The following RBFOX1 variants were observed in gnomAD, a reference collection of about 807,000 sequenced individuals.
RBFOX1 encodes the protein RNA binding fox-1 homolog 1, also known as RNA binding protein fox-1 homolog 1.
RBFOX1 carries 8 observed loss-of-function variants against 57.7 expected under a neutral mutation model. That is an observed-to-expected ratio of 0.14 (90% CI 0.08 to 0.25). The LOEUF is 0.25. Among genes scored for constraint, RBFOX1 ranks in the 10% least tolerant of loss-of-function variants. The pLI, the probability that RBFOX1 is intolerant of heterozygous loss-of-function variation, is 1.00. For missense variants in RBFOX1, 611 were observed against 548.5 expected (o/e 1.11, Z -1.14); for synonymous variants, 326 against 222.4 (o/e 1.47, Z -4.15).
chr16:5,482,027 C>T (rs1296311659), intron 2 of RBFOX1, among the ~76,000 whole-genome samples: 4 of 152,178 alleles, frequency 2.6e-5, no homozygotes, highest in South Asian at 2.1e-4. Context: ...TACAGTTCAG[C>T]CCATAACAGC....
At chr16:6,477,039 A>C (rs1181543544) in intron 2 of RBFOX1, among the ~76,000 whole-genome samples, 1 of 152,170 alleles carries the variant, frequency 6.6e-6, no homozygotes, top group Non-Finnish European at 1.5e-5. Context: ...TTGCCTCTTC[A>C]GGCTCCACTT....
At chr16:6,828,960 G>C (rs926563527) in intron 3 of RBFOX1, among the ~76,000 whole-genome samples, 4 of 151,628 alleles carry the variant, frequency 2.6e-5, no homozygotes, top group Non-Finnish European at 5.9e-5. Flanking sequence ...CCTTTCTTGA[G>C]TGTGTACTTT....
At chr16:6,889,261 T>G (rs1394672180) in intron 3 of RBFOX1, among the ~76,000 whole-genome samples, 3 of 152,224 alleles carry the variant, frequency 2.0e-5, no homozygotes. Flanking sequence ...TTGCCCCCGT[T>G]AGCCCCATGG....
chr16:7,393,558 C>G (rs149389860), intron 4 of RBFOX1, among the ~76,000 whole-genome samples: 2 of 152,112 alleles, frequency 1.3e-5, no homozygotes, highest in Non-Finnish European at 2.9e-5. Flanking sequence ...GGAATGCTCT[C>G]TGGACAATGC....
intron 1 of RBFOX1, among the ~76,000 whole-genome samples, chr16:5,276,639 C>T (rs1253462604): frequency 1.3e-5 from 2 of 152,188 alleles, no homozygotes; most frequent in Non-Finnish European, 1.5e-5. Flanking sequence ...AAAAATTAGC[C>T]GGGCATGGTG....
At chr16:7,014,432 G>C (rs1463224790) in intron 3 of RBFOX1, among the ~76,000 whole-genome samples, 1 of 151,008 alleles carries the variant, frequency 6.6e-6, no homozygotes, top group African/African-American at 2.4e-5. Flanking sequence ...TTTAAAGTAG[G>C]GGTGGGGTTT....
At chr16:6,037,308 G>A (rs2095377919) in intron 1 of RBFOX1, 1 of 152,138 alleles carries the variant, frequency 6.6e-6, no homozygotes, top group South Asian at 2.1e-4. Context: ...AGTCCTTCCT[G>A]AAAATTCCAA....
intron 3 of RBFOX1, among the ~76,000 whole-genome samples, chr16:5,809,468 A>G (rs2055344772): frequency 6.6e-6 from 1 of 152,106 alleles, no homozygotes; most frequent in Admixed American, 6.5e-5. Flanking sequence ...AACTCAAACA[A>G]ATTTACAAGA....
At chr16:5,857,788 G>A (rs1408576069) in intron 3 of RBFOX1, among the ~76,000 whole-genome samples, 1 of 151,690 alleles carries the variant, frequency 6.6e-6, no homozygotes, top group Non-Finnish European at 1.5e-5. Flanking sequence ...GAAAAGAACT[G>A]CACAAAACTT....
intron 1 of RBFOX1, among the ~76,000 whole-genome samples, chr16:6,042,321 G>A (rs987770439): frequency 2.6e-5 from 4 of 151,838 alleles, no homozygotes; most frequent in African/African-American, 7.3e-5. Flanking sequence ...GGATGGTCTC[G>A]ATCTCTTAAC....
chr16:5,936,099 A>G (rs148911393), intron 4 of RBFOX1, among the ~76,000 whole-genome samples: 152 of 152,188 alleles, frequency 1.0e-3, no homozygotes, highest in Non-Finnish European at 1.5e-3. Flanking sequence ...ATCTGGCATC[A>G]TAAACCTTCC....
At chr16:6,169,423 T>A (rs926888588) in intron 1 of RBFOX1, among the ~76,000 whole-genome samples, 1 of 151,868 alleles carries the variant, frequency 6.6e-6, no homozygotes, top group African/African-American at 2.4e-5. Context: ...AAGGCTGAGA[T>A]AGAGAAGGAG....
At chr16:6,802,578 G>A (rs1057094195) in intron 3 of RBFOX1, among the ~76,000 whole-genome samples, 3 of 152,206 alleles carry the variant, frequency 2.0e-5, no homozygotes, top group Admixed American at 2.0e-4. Flanking sequence ...TTGGGAGGGT[G>A]AGGCAGGAGA....
chr16:5,542,566 G>T (rs1008438293), intron 2 of RBFOX1, among the ~76,000 whole-genome samples: 1 of 151,962 alleles, frequency 6.6e-6, no homozygotes, highest in Admixed American at 6.6e-5. Context: ...CATAGTTATT[G>T]ATTTTACTGA....
At chr16:6,281,845 G>A (rs1285583167) in intron 1 of RBFOX1, among the ~76,000 whole-genome samples, 4 of 152,028 alleles carry the variant, frequency 2.6e-5, no homozygotes, top group South Asian at 4.2e-4. Flanking sequence ...CCAAAATCCC[G>A]CTGCCACTCT....
At chr16:6,979,742 C>T (rs1300201848) in intron 3 of RBFOX1, among the ~76,000 whole-genome samples, 5 of 152,176 alleles carry the variant, frequency 3.3e-5, no homozygotes, top group Admixed American at 6.5e-5. Flanking sequence ...TCCTCCTAAA[C>T]AGTGGATGAA....
intron 2 of RBFOX1, among the ~76,000 whole-genome samples, chr16:6,321,535 T>C (rs2081790967): frequency 6.6e-6 from 1 of 152,228 alleles, no homozygotes; most frequent in African/African-American, 2.4e-5. Flanking sequence ...CTCTGCACAA[T>C]GCCACAGCAT....
intron 3 of RBFOX1, among the ~76,000 whole-genome samples, chr16:6,674,260 A>G (rs2098786484): frequency 6.6e-6 from 1 of 152,188 alleles, no homozygotes; most frequent in African/African-American, 2.4e-5. Context: ...TCAAGTTAAA[A>G]TGACGTCATC....
At chr16:7,389,690 A>G (rs74012533) in intron 4 of RBFOX1, among the ~76,000 whole-genome samples, 34 of 152,206 alleles carry the variant, frequency 2.2e-4, no homozygotes, top group Non-Finnish European at 4.4e-4. Flanking sequence ...GCTGGAGTTT[A>G]CAGTATGTAC....
Sources: gnomAD v4.1 joint callset for allele counts (sites outside exome capture counted in the v4.1 genomes callset) on GRCh38, gnomAD v4.1.1 for gene constraint, MANE v1.5 for transcripts, NCBI Gene and HGNC (gene_info 2026-07-23, HGNC 2026-07-21) for gene names.